TTC17: variants seen among roughly 807,000 people sequenced by gnomAD.
The protein encoded by TTC17 is tetratricopeptide repeat protein 17.
In TTC17, 58 loss-of-function variants were observed where a neutral mutation model predicts 143.8. That is an observed-to-expected ratio of 0.40 (90% CI 0.33 to 0.50). The LOEUF is 0.50. Ranked by LOEUF, TTC17 falls within the 20% of genes least tolerant of loss-of-function variation. TTC17 has a pLI of 0.49. For synonymous variants in TTC17, 501 were observed against 497.8 expected (o/e 1.01, Z -0.09); for missense variants, 1,273 against 1,392.5 (o/e 0.91, Z 1.37).
intron 21 of TTC17, among the ~76,000 whole-genome samples, chr11:43,470,772 T>G (rs1187162426): frequency 2.0e-5 from 3 of 152,178 alleles, no homozygotes; most frequent in African/African-American, 7.2e-5. Flanking sequence ...GCTCAGTAGC[T>G]TTAGGGTGAG....
intron 23 of TTC17, among the ~76,000 whole-genome samples, chr11:43,492,809 G>A (rs1279781053): frequency 1.3e-5 from 2 of 152,184 alleles, no homozygotes; most frequent in Non-Finnish European, 2.9e-5. Flanking sequence ...AACAAGAACT[G>A]CTTTCAGAAC....
At chr11:43,438,328 T>A (rs2134709871) in intron 16 of TTC17, among the ~76,000 whole-genome samples, 1 of 152,318 alleles carries the variant, frequency 6.6e-6, no homozygotes, top group East Asian at 1.9e-4. Context: ...CAGCTAATTT[T>A]TTTGTATTTT....
intron 22 of TTC17, 50 bp downstream of exon 22, chr11:43,490,408 T>TC (rs750671688): frequency 2.6e-6 from 4 of 1,546,776 alleles, no homozygotes; most frequent in Non-Finnish European, 3.5e-6. Flanking sequence ...TCCTTTCCAT[T>TC]CCCCATGGTT....
At position 43,448,138 on chromosome 11, in the gene TTC17, C is replaced by A. The variant is rs1211549663; in HGVS notation, c.2786+16C>A. ...AAAACATTGAGTAAGTATGTTAAGC[C>A]TCTCCCTCCTTTATGGCATTTGAGT... On this transcript the variant is annotated intron_variant, in intron 19 of 23. Transcript: ENST00000039989. 1 of 1,613,464 alleles carries A rather than the reference C, an allele frequency of 6.2e-7. No individual in the cohort carries two copies. The highest frequency in any genetic ancestry group is 8.5e-7 in the Non-Finnish European group (1 of 1,179,706).
chr11:43,375,064 C>A (rs1856712345), intron 1 of TTC17, among the ~76,000 whole-genome samples: 1 of 152,200 alleles, frequency 6.6e-6, no homozygotes, highest in Non-Finnish European at 1.5e-5. Flanking sequence ...GCTGCAGATA[C>A]AGTTTGATTC....
intron 1 of TTC17, among the ~76,000 whole-genome samples, chr11:43,368,898 G>A (rs1856454823): frequency 6.6e-6 from 1 of 152,178 alleles, no homozygotes; most frequent in African/African-American, 2.4e-5. Context: ...CTCTGCCTCA[G>A]CCATACCAGC....
At chr11:43,491,863 A>G (rs1004255012) in intron 22 of TTC17, 157 bp from the exon 23 acceptor site, 1 of 849,118 alleles carries the variant, frequency 1.2e-6, no homozygotes, top group African/African-American at 1.7e-5. Context: ...CACCTTATCT[A>G]TCACAGACCA....
Position 43,364,836 on chromosome 11 carries a change from G to T in TTC17, c.159+5723G>T, listed in dbSNP as rs1347171373. Reference sequence around the variant, plus strand: ...TTTATTTATTTTGAGACAGAGTTTCGCTCTTGTTGCCCAGGCTGGAGTACA... The same window carrying T: ...TTTATTTATTTTGAGACAGAGTTTCTCTCTTGTTGCCCAGGCTGGAGTACA... On this transcript the variant is annotated intron_variant, in intron 1 of 23. Coordinates refer to ENST00000039989, the MANE Select transcript of TTC17 (RefSeq NM_018259.6). 3.3e-5 allele frequency among the ~76,000 whole-genome samples: 5 copies of T among 151,770 alleles called. No homozygotes were observed. In the East Asian group the frequency reaches 9.7e-4, roughly 29 times the overall value.
intron 21 of TTC17, among the ~76,000 whole-genome samples, chr11:43,484,280 C>T (rs967745725): frequency 6.6e-6 from 1 of 152,156 alleles, no homozygotes; most frequent in Non-Finnish European, 1.5e-5. Flanking sequence ...CTCAAAGTGG[C>T]TTCCCGTAAA....
intron 1 of TTC17, among the ~76,000 whole-genome samples, chr11:43,368,277 C>T (rs892311619): frequency 6.6e-6 from 1 of 152,170 alleles, no homozygotes; most frequent in Non-Finnish European, 1.5e-5. Flanking sequence ...TCAAATCTTA[C>T]GTGCAGTTTC....
Position 43,405,887 on chromosome 11 carries a change from T to C in TTC17, c.1697T>C (p.Leu566Ser). ...DFRKSHTLSY[L>S]VKELEVRMDL... ...AGAAAAAGCCACACTCTGTCCTACT[T>C]AGTCAAAGAATTAGAGGTTCGCATG... Residue 566 changes from leucine (L) to serine (S), a missense_variant, in exon 13 of 24, where the codon TTA becomes TCA. Leu to Ser is a moderately radical substitution (Grantham distance 145). Transcript: ENST00000039989. 1 of 1,614,024 alleles carries C rather than the reference T, an allele frequency of 6.2e-7. No individual in the cohort carries two copies. Among genetic ancestry groups the C allele is most frequent in the Non-Finnish European group, 8.5e-7 (1 of 1,179,934 alleles).
At chr11:43,418,412 G>GC (rs1375180805) in intron 16 of TTC17, among the ~76,000 whole-genome samples, 1 of 152,108 alleles carries the variant, frequency 6.6e-6, no homozygotes, top group Non-Finnish European at 1.5e-5. Flanking sequence ...AAAAGTTAGT[G>GC]CTTTCAGTTT....
chr11:43,368,013 G>T (rs1381807998), intron 1 of TTC17, among the ~76,000 whole-genome samples: 1 of 152,200 alleles, frequency 6.6e-6, no homozygotes, highest in East Asian at 1.9e-4. Context: ...AAGGGAGAGA[G>T]AATGTGTGCA....
chr11:43,397,227 CTATGAT>C, intron 6 of TTC17, 114 bp from the exon 7 acceptor site: 1 of 1,155,266 alleles, frequency 8.7e-7, no homozygotes, highest in Non-Finnish European at 1.2e-6. Context: ...AAATGAAACA[CTATGAT>C]TATCTTATTT....
chr11:43,444,434 A>G (rs1021318221), intron 18 of TTC17: 6 of 344,822 alleles, frequency 1.7e-5, no homozygotes, highest in Non-Finnish European at 2.6e-5. Flanking sequence ...GTAATAAATC[A>G]TAAAGGAAGA....
chr11:43,392,616 G>T (rs1857432477), intron 5 of TTC17, among the ~76,000 whole-genome samples: 1 of 152,170 alleles, frequency 6.6e-6, no homozygotes, highest in East Asian at 1.9e-4. Context: ...GGAATTTTCA[G>T]ATAAAAGTCC....
At chr11:43,442,658 A>G (rs941065949) in intron 16 of TTC17, among the ~76,000 whole-genome samples, 3 of 152,230 alleles carry the variant, frequency 2.0e-5, no homozygotes, top group African/African-American at 7.2e-5. Context: ...ATAATAAAGG[A>G]AACATACTGA....
chr11:43,482,258 G>GT (rs376372616), intron 21 of TTC17, among the ~76,000 whole-genome samples: 135 of 142,242 alleles, frequency 9.5e-4, no homozygotes, highest in East Asian at 2.1e-3. Context: ...GTTTTTAATA[G>GT]TTTTTTTTTT....
chr11:43,380,601 T>C (rs1313700975), intron 2 of TTC17, among the ~76,000 whole-genome samples: 1 of 152,240 alleles, frequency 6.6e-6, no homozygotes, highest in Non-Finnish European at 1.5e-5. Flanking sequence ...ATTTTCTTGT[T>C]ATGTAAAAGT....
Sources: allele counts gnomAD v4.1 joint callset (sites outside exome capture counted in the v4.1 genomes callset), GRCh38; gene constraint gnomAD v4.1.1; transcripts MANE v1.5; gene names NCBI Gene and HGNC (gene_info 2026-07-23, HGNC 2026-07-21).